The following SIMC1 variants were observed in gnomAD, a reference collection of about 807,000 sequenced individuals.
SIMC1 encodes SUMO interacting motifs containing 1, also known as SUMO-interacting motif-containing protein 1.
Under a neutral mutation model 82.3 loss-of-function variants are expected in SIMC1, and 55 were observed. The ratio of observed to expected loss-of-function variants is 0.67; its 90% CI spans 0.54 to 0.84. The LOEUF (loss-of-function observed/expected upper bound fraction) is 0.84, where lower values mean the gene tolerates loss of function less well. SIMC1 is among the 40% of genes least tolerant of loss of function. The pLI, the probability that SIMC1 is intolerant of heterozygous loss-of-function variation, is 0.00. For synonymous variants in SIMC1, 353 were observed against 426.3 expected, an observed-to-expected ratio of 0.83 and a Z score of 2.12; for missense variants, 915 against 1,107.2, an observed-to-expected ratio of 0.83 and a Z score of 2.46.
chr5:176,329,333 C>T (rs918664855), intron 7 of SIMC1, among the ~76,000 whole-genome samples: 22 of 151,832 alleles, frequency 1.4e-4, no homozygotes, highest in Admixed American at 1.2e-3. Context: ...TAGCCGGGTG[C>T]GGTGGCGGGC....
chr5:176,262,734 A>G (rs954080227), intron 1 of SIMC1, among the ~76,000 whole-genome samples: 15 of 152,152 alleles, frequency 9.9e-5, no homozygotes, highest in Admixed American at 6.5e-4. Flanking sequence ...GAACCCAGGA[A>G]GCAGAGGTTG....
intron 1 of SIMC1, among the ~76,000 whole-genome samples, chr5:176,283,920 G>C (rs558843241): frequency 5.7e-4 from 87 of 152,248 alleles, no homozygotes; most frequent in African/African-American, 1.8e-3. Flanking sequence ...GATAAAAATA[G>C]ACAAAGAAGG....
chr5:176,342,933 A>G (rs1766215413), intron 9 of SIMC1, among the ~76,000 whole-genome samples: 1 of 152,228 alleles, frequency 6.6e-6, no homozygotes, highest in South Asian at 2.1e-4. Flanking sequence ...CTGTGTCCCC[A>G]GACTCTAGCC....
chr5:176,305,723 C>CT (rs1764320774), intron 4 of SIMC1, among the ~76,000 whole-genome samples: 2 of 80,622 alleles, frequency 2.5e-5, no homozygotes, highest in East Asian at 3.6e-4. Context: ...GTCAGCCCCC[C>CT]GCCCGGCCAG....
chr5:176,273,016 C>G (rs1218208323), intron 1 of SIMC1, among the ~76,000 whole-genome samples: 1 of 152,192 alleles, frequency 6.6e-6, no homozygotes, highest in Non-Finnish European at 1.5e-5. Flanking sequence ...CAGGGCATAG[C>G]CGAACAAAAG....
chr5:176,279,285 GTAT>G (rs1157297545), intron 1 of SIMC1, among the ~76,000 whole-genome samples: 2 of 152,112 alleles, frequency 1.3e-5, no homozygotes, highest in Non-Finnish European at 2.9e-5. Context: ...ATTCTCTGTA[GTAT>G]TCTTTGTGTT....
chr5:176,285,291 G>A (rs1763218939), intron 1 of SIMC1, among the ~76,000 whole-genome samples: 4 of 152,174 alleles, frequency 2.6e-5, no homozygotes, highest in Admixed American at 2.6e-4. Flanking sequence ...TATCCACCAT[G>A]ATCAAGTGGG....
chr5:176,308,713 A>G (rs1444297287), intron 4 of SIMC1: 17 of 1,466,924 alleles, frequency 1.2e-5, no homozygotes, highest in South Asian at 1.0e-4. Context: ...ATCCCAATCC[A>G]TATTGTACCT....
chr5:176,305,956 G>T, intron 4 of SIMC1, among the ~76,000 whole-genome samples: 1 of 75,570 alleles, frequency 1.3e-5, no homozygotes. Flanking sequence ...CCTCTGCCCG[G>T]CCAGCCGCCC....
chr5:176,280,890 A>T (rs1762974779), intron 1 of SIMC1, among the ~76,000 whole-genome samples: 1 of 152,074 alleles, frequency 6.6e-6, no homozygotes, highest in Admixed American at 6.6e-5. Flanking sequence ...AACTTTGGTG[A>T]ATCTGACAAT....
At chr5:176,323,737 A>G (rs1765256411) in intron 6 of SIMC1, among the ~76,000 whole-genome samples, 1 of 152,198 alleles carries the variant, frequency 6.6e-6, no homozygotes, top group Non-Finnish European at 1.5e-5. Flanking sequence ...CTGTAATCCC[A>G]GCACTTTGGG....
At chr5:176,253,697 T>C (rs1761764980) in intron 1 of SIMC1, among the ~76,000 whole-genome samples, 2 of 152,216 alleles carry the variant, frequency 1.3e-5, no homozygotes, top group South Asian at 4.1e-4. Context: ...GAGTTCATTA[T>C]TAAGTTTAAT....
chr5:176,305,068 G>C (rs1448483381), intron 4 of SIMC1, among the ~76,000 whole-genome samples: 1 of 144,396 alleles, frequency 6.9e-6, no homozygotes, highest in Non-Finnish European at 1.5e-5. Flanking sequence ...GTCTCCGCCC[G>C]GCAGCCACCC....
At chr5:176,306,520 G>GTAC (rs1174789997) in intron 4 of SIMC1, among the ~76,000 whole-genome samples, 38 of 148,574 alleles carry the variant, frequency 2.6e-4, no homozygotes, top group African/African-American at 8.2e-4. Context: ...TGCCGTGTCT[G>GTAC]TGTAGAAAGA....
At chr5:176,307,968 C>T in intron 4 of SIMC1, 3 of 598,512 alleles carry the variant, frequency 5.0e-6, no homozygotes, top group Non-Finnish European at 9.0e-6. Context: ...ACATAATAGC[C>T]AAAATGTGGA....
intron 4 of SIMC1, among the ~76,000 whole-genome samples, chr5:176,301,092 G>A (rs1764021282): frequency 6.6e-6 from 1 of 152,158 alleles, no homozygotes. Flanking sequence ...TATTCTGTGA[G>A]GCCAGCATTA....
chr5:176,274,352 G>C (rs1193586655), intron 1 of SIMC1, among the ~76,000 whole-genome samples: 114 of 148,586 alleles, frequency 7.7e-4, no homozygotes, highest in East Asian at 1.6e-3. Context: ...TGATGGGGTT[G>C]TTTGTTTTTT....
chr5:176,281,369 G>T (rs1053453764), intron 1 of SIMC1, among the ~76,000 whole-genome samples: 1 of 152,054 alleles, frequency 6.6e-6, no homozygotes, highest in Admixed American at 6.5e-5. Context: ...CTTTGCCTTT[G>T]GTTTGAATAT....
At chr5:176,334,969 T>G (rs1320210712) in intron 7 of SIMC1, among the ~76,000 whole-genome samples, 3 of 151,558 alleles carry the variant, frequency 2.0e-5, no homozygotes, top group Non-Finnish European at 4.4e-5. Flanking sequence ...TGGGTGCCTA[T>G]AATCCCAGCG....
Sources: gnomAD v4.1 joint callset for allele counts (sites outside exome capture counted in the v4.1 genomes callset) on GRCh38, gnomAD v4.1.1 for gene constraint, MANE v1.5 for transcripts, NCBI Gene and HGNC (gene_info 2026-07-23, HGNC 2026-07-21) for gene names.